BNC2: variants seen among roughly 807,000 people sequenced by gnomAD.
BNC2 encodes zinc finger protein basonuclin-2.
Under a neutral mutation model 76.3 loss-of-function variants are expected in BNC2, and 20 were observed. The ratio of observed to expected loss-of-function variants is 0.26; its 90% CI spans 0.18 to 0.38. The LOEUF is 0.38. Among genes scored for constraint, BNC2 ranks in the 10% least tolerant of loss-of-function variants. The probability of loss-of-function intolerance (pLI) is 1.00; values close to 1 mark genes in which losing one functional copy is unlikely to be tolerated. For synonymous variants in BNC2, 582 were observed against 514.8 expected (o/e 1.13, Z -1.77); for missense variants, 1,382 against 1,399.8 (o/e 0.99, Z 0.20).
At chr9:16,728,045 G>A (rs1824401047) in intron 2 of BNC2, 48 bp from the exon 3 acceptor site, 1 of 1,541,202 alleles carries the variant, frequency 6.5e-7, no homozygotes, top group South Asian at 1.1e-5. Flanking sequence ...GCCAGTAGCA[G>A]GAGTGTAGTG....
chr9:16,687,352 G>A (rs1244084510), intron 3 of BNC2, among the ~76,000 whole-genome samples: 1 of 152,114 alleles, frequency 6.6e-6, no homozygotes, highest in Admixed American at 6.6e-5. Context: ...CCTTGGTCTA[G>A]GACAACATAA....
At chr9:16,551,193 G>C (rs1287003789) in intron 5 of BNC2, among the ~76,000 whole-genome samples, 1 of 152,150 alleles carries the variant, frequency 6.6e-6, no homozygotes. Context: ...CATCTTTTGA[G>C]GGCCAAATTT....
intron 3 of BNC2, among the ~76,000 whole-genome samples, chr9:16,647,297 G>A (rs1821658817): frequency 6.6e-6 from 1 of 152,104 alleles, no homozygotes; most frequent in Non-Finnish European, 1.5e-5. Flanking sequence ...GGATTGGGGT[G>A]GAATCTTATG....
chr9:16,612,367 C>T (rs1009995772), intron 3 of BNC2, among the ~76,000 whole-genome samples: 2 of 152,172 alleles, frequency 1.3e-5, no homozygotes, highest in South Asian at 4.1e-4. Flanking sequence ...CTCACACACC[C>T]ACCCCTTCCC....
intron 1 of BNC2, among the ~76,000 whole-genome samples, chr9:16,827,136 T>A (rs984833173): frequency 5.3e-5 from 8 of 152,198 alleles, no homozygotes; most frequent in African/African-American, 1.4e-4. Flanking sequence ...TAAAGTTACA[T>A]CTGGAGAGGA....
intron 1 of BNC2, among the ~76,000 whole-genome samples, chr9:16,747,052 A>G (rs540961671): frequency 3.3e-5 from 5 of 152,138 alleles, no homozygotes; most frequent in African/African-American, 7.2e-5. Flanking sequence ...TCCCATTTTT[A>G]AAATATACAA....
chr9:16,493,499 G>A (rs1313955061), intron 5 of BNC2, among the ~76,000 whole-genome samples: 3 of 152,316 alleles, frequency 2.0e-5, no homozygotes, highest in South Asian at 4.2e-4. Context: ...GGTAGACTAG[G>A]TAGACTAAGG....
chr9:16,701,126 C>G (rs774241814), intron 3 of BNC2, among the ~76,000 whole-genome samples: 1 of 152,032 alleles, frequency 6.6e-6, no homozygotes, highest in Non-Finnish European at 1.5e-5. Context: ...TCCAGGGATC[C>G]CTAGGAGAGG....
chr9:16,663,037 T>C (rs1587287794), intron 3 of BNC2, among the ~76,000 whole-genome samples: 1 of 152,008 alleles, frequency 6.6e-6, no homozygotes, highest in African/African-American at 2.4e-5. Flanking sequence ...TGCTTCACTA[T>C]ACAGCCAAGT....
chr9:16,557,457 C>G (rs1481725416), intron 4 of BNC2, among the ~76,000 whole-genome samples: 1 of 151,764 alleles, frequency 6.6e-6, no homozygotes, highest in Non-Finnish European at 1.5e-5. Context: ...TGAGATCGTA[C>G]CACTGCACTC....
intron 4 of BNC2, among the ~76,000 whole-genome samples, chr9:16,575,721 T>A (rs974848542): frequency 2.0e-5 from 3 of 152,138 alleles, no homozygotes; most frequent in African/African-American, 7.2e-5. Flanking sequence ...AAAAGCCTCC[T>A]GTGCCAGGCA....
At chr9:16,548,400 T>C (rs1278383782) in intron 5 of BNC2, among the ~76,000 whole-genome samples, 2 of 150,254 alleles carry the variant, frequency 1.3e-5, no homozygotes, top group African/African-American at 4.9e-5. Context: ...TTCTTCTTCT[T>C]CTTCGTTTTT....
intron 3 of BNC2, among the ~76,000 whole-genome samples, chr9:16,696,661 T>G (rs556691906): frequency 2.0e-5 from 3 of 152,218 alleles, no homozygotes; most frequent in Non-Finnish European, 4.4e-5. Context: ...ACATAGCAGA[T>G]AGTCAACAAA....
chr9:16,499,768 T>C (rs983435046), intron 5 of BNC2, among the ~76,000 whole-genome samples: 2 of 151,930 alleles, frequency 1.3e-5, no homozygotes, highest in African/African-American at 4.8e-5. Flanking sequence ...TGACCTCAAG[T>C]GATAAGCCTG....
At chr9:16,468,040 CT>C (rs748053541) in intron 5 of BNC2, among the ~76,000 whole-genome samples, 4,695 of 129,484 alleles carry the variant, frequency 0.036, 105 homozygotes, top group African/African-American at 0.12. Flanking sequence ...CTTTCTTTCT[CT>C]TTTTTTTTTT....
chr9:16,802,284 T>C (rs1817803986), intron 1 of BNC2, among the ~76,000 whole-genome samples: 1 of 152,194 alleles, frequency 6.6e-6, no homozygotes, highest in Non-Finnish European at 1.5e-5. Context: ...TAAAACAAGA[T>C]GCCCGAGCAA....
At chr9:16,491,205 C>A (rs1822273377) in intron 5 of BNC2, among the ~76,000 whole-genome samples, 1 of 151,972 alleles carries the variant, frequency 6.6e-6, no homozygotes, top group Non-Finnish European at 1.5e-5. Flanking sequence ...CACTGAGAAT[C>A]TTGAATGGAG....
intron 5 of BNC2, among the ~76,000 whole-genome samples, chr9:16,444,317 T>C (rs1027983191): frequency 1.3e-5 from 2 of 152,068 alleles, no homozygotes; most frequent in Admixed American, 6.6e-5. Flanking sequence ...ACTAATGGGG[T>C]GTGTAATCAT....
At chr9:16,552,126 C>T (rs949736359) in intron 5 of BNC2, among the ~76,000 whole-genome samples, 1 of 152,100 alleles carries the variant, frequency 6.6e-6, no homozygotes, top group African/African-American at 2.4e-5. Context: ...ACCGTACCTG[C>T]AAACTGAGTA....
Sources: allele counts gnomAD v4.1 joint callset (sites outside exome capture counted in the v4.1 genomes callset), GRCh38; gene constraint gnomAD v4.1.1; transcripts MANE v1.5; gene names NCBI Gene and HGNC (gene_info 2026-07-23, HGNC 2026-07-21).